Variants in TPTE2 observed in about 807,000 individuals in gnomAD.
The protein encoded by TPTE2 is phosphatidylinositol 3,4,5-trisphosphate 3-phosphatase TPTE2.
A neutral mutation model predicts 78.6 loss-of-function variants in TPTE2; 53 were observed. The ratio of observed to expected loss-of-function variants is 0.67; its 90% CI spans 0.54 to 0.85. The LOEUF (loss-of-function observed/expected upper bound fraction) is 0.85. Ranked by LOEUF, TPTE2 falls within the 40% of genes least tolerant of loss-of-function variation. The pLI, the probability that TPTE2 is intolerant of heterozygous loss-of-function variation, is 0.00. For synonymous variants in TPTE2, 175 were observed against 206.2 expected (o/e 0.85, Z 1.30); for missense variants, 461 against 623.0 (o/e 0.74, Z 2.77).
chr13:19,443,497 C>CT lies in TPTE2; in HGVS notation c.974-5345dup, dbSNP rs552653283. ...CTTGGCTCACTGCAACCTCTGCCTCCTGGTTTCAAGTGATTCTCGTGCCTC... is the reference window on the plus strand; with the variant it reads ...CTTGGCTCACTGCAACCTCTGCCTCCTTGGTTTCAAGTGATTCTCGTGCCTC... On this transcript the variant is annotated intron_variant, in intron 13 of 19. Coordinates refer to ENST00000400230, the Ensembl canonical transcript of TPTE2. Among the ~76,000 whole-genome samples the CT allele has an allele frequency of 3.1e-3, 465 of 151,586 alleles. 3 individuals carry two copies. Among genetic ancestry groups the CT allele is most frequent in the African/African-American group, 9.2e-3 (380 of 41,352 alleles).
chr13:19,427,087 T>C (rs1363291530), intron 17 of TPTE2, among the ~76,000 whole-genome samples: 1 of 127,232 alleles, frequency 7.9e-6, no homozygotes, highest in African/African-American at 3.1e-5. Context: ...TTCTTTTTTT[T>C]TTTTTTTTTT....
Position 19,467,276 on chromosome 13 carries a change from A to G in TPTE2, c.461T>C (p.Val154Ala), listed in dbSNP as rs770641332. The change falls in exon 7 of 20, where the codon GTT (valine) becomes GCT (alanine). Residue 154 changes from valine (V) to alanine (A), a missense_variant. Val to Ala is a moderately conservative substitution (Grantham distance 64). Coordinates refer to ENST00000400230, the Ensembl canonical transcript of TPTE2. The stretch of plus-strand genomic sequence containing the variant: ...GTCAAAAAAAATGTAAATGACATCA[A>G]CCAGCAGAGGAATCACAATAATGGC... 7 of 1,597,750 alleles carry G rather than the reference A, an allele frequency of 4.4e-6. No homozygotes were observed. In the Admixed American group the frequency reaches 1.1e-4, roughly 25 times the overall value.
intron 1 of TPTE2, 128 bp downstream of exon 4, chr13:19,503,096 G>C: frequency 1.5e-6 from 2 of 1,337,440 alleles, no homozygotes; most frequent in Non-Finnish European, 1.1e-6. Flanking sequence ...GGATGTGTTT[G>C]GGAGAAGTGT....
At chr13:19,560,362 G>A in the TPTE2 span, 16 of 1,603,096 alleles carry the variant, frequency 1.0e-5, no homozygotes, top group Middle Eastern at 1.9e-4. Flanking sequence ...TTGCAGCAGG[G>A]CAGCCCCCAG....
At chr13:19,549,380 A>G in the TPTE2 span, among the ~76,000 whole-genome samples, 1 of 152,192 alleles carries the variant, frequency 6.6e-6, no homozygotes, top group African/African-American at 2.4e-5. Flanking sequence ...AGACATACAC[A>G]TGGTCTGCAA....
chr13:19,438,171 T>C lies in TPTE2; in HGVS notation c.974-18A>G, dbSNP rs565985142. ...GGTTCTTCCTAGAAAAGAAAAGAAG[T>C]TAGTTCAAGAACATACATGGTATAA... On this transcript the variant is annotated intron_variant, in intron 13 of 19. Transcript: ENST00000400230. 110 of 1,606,222 alleles carry C rather than the reference T, an allele frequency of 6.8e-5. No individual in the cohort carries two copies. The highest frequency in any genetic ancestry group is 5.0e-4 in the South Asian group (45 of 89,930).
At chr13:19,546,734 C>CCCGCCT in the TPTE2 span, among the ~76,000 whole-genome samples, 1 of 151,808 alleles carries the variant, frequency 6.6e-6, no homozygotes, top group South Asian at 2.1e-4. Context: ...AGGTGATCCA[C>CCCGCCT]CCGCCTCAGC....
intron 17 of TPTE2, among the ~76,000 whole-genome samples, chr13:19,429,421 C>T (rs1400213630): frequency 2.0e-5 from 3 of 152,214 alleles, no homozygotes; most frequent in Non-Finnish European, 2.9e-5. Context: ...TGGAAGAATG[C>T]TGGTGCCATT....
intron 17 of TPTE2, among the ~76,000 whole-genome samples, chr13:19,429,143 T>C (rs1267997675): frequency 6.6e-6 from 1 of 152,258 alleles, no homozygotes; most frequent in Non-Finnish European, 1.5e-5. Flanking sequence ...GTGTGTCTTC[T>C]GCTCTACCTA....
Position 19,470,693 on chromosome 13 carries a change from T to G in TPTE2, c.392+3221A>C, listed in dbSNP as rs902945961. Among the ~76,000 whole-genome samples the G allele has an allele frequency of 6.6e-4, 99 of 150,968 alleles. 1 individual carries two copies. The highest frequency in any genetic ancestry group is 2.3e-3 in the African/African-American group (95 of 41,128). Reference sequence around the variant, plus strand: ...GGCACCCAGCACCACACCCAGCTAATTTTTGTATTTTTAGTACAGACGGGG... The same window carrying G: ...GGCACCCAGCACCACACCCAGCTAAGTTTTGTATTTTTAGTACAGACGGGG... On this transcript the variant is annotated intron_variant, in intron 6 of 19. Transcript: ENST00000400230.
the TPTE2 span, among the ~76,000 whole-genome samples, chr13:19,555,862 G>A: frequency 7.8e-6 from 1 of 128,158 alleles, no homozygotes; most frequent in Non-Finnish European, 1.6e-5. Flanking sequence ...TGCCATGCTG[G>A]AGTGTAATGG....
At chr13:19,561,415 C>T in the TPTE2 span, 8 of 439,858 alleles carry the variant, frequency 1.8e-5, no homozygotes, top group South Asian at 1.8e-4. Flanking sequence ...CCGCGCCCCG[C>T]CCCCCAACCT....
intron 13 of TPTE2, among the ~76,000 whole-genome samples, chr13:19,447,408 CCA>C: frequency 6.6e-6 from 1 of 152,104 alleles, no homozygotes; most frequent in Non-Finnish European, 1.5e-5. Flanking sequence ...TGTGAAATGG[CCA>C]TTTTTAAAGC....
intron 19 of TPTE2, 144 bp from the exon 23 acceptor site, chr13:19,423,308 C>A: frequency 3.7e-6 from 2 of 540,308 alleles, no homozygotes; most frequent in East Asian, 3.3e-5. Flanking sequence ...TTTCAGTTGG[C>A]TCCTTCCACC....
chr13:19,423,302 A>T, intron 19 of TPTE2, 138 bp from the exon 23 acceptor site: 1 of 563,674 alleles, frequency 1.8e-6, no homozygotes, highest in Non-Finnish European at 3.0e-6. Flanking sequence ...TTTGCATTTC[A>T]GTTGGCTCCT....
At chr13:19,521,782 C>T (rs933677046) in intron 1 of TPTE2, among the ~76,000 whole-genome samples, 7 of 152,120 alleles carry the variant, frequency 4.6e-5, no homozygotes, top group Non-Finnish European at 1.0e-4. Context: ...TCCATTCCCT[C>T]TCTCTTCCAT....
chr13:19,489,555 T>G (rs1384613738), intron 3 of TPTE2, among the ~76,000 whole-genome samples: 1 of 150,362 alleles, frequency 6.7e-6, no homozygotes, highest in African/African-American at 2.4e-5. Flanking sequence ...TTTGGGTCAG[T>G]GCTAAAGAAT....
chr13:19,515,574 G>A (rs1475376345), intron 1 of TPTE2, among the ~76,000 whole-genome samples: 5 of 152,116 alleles, frequency 3.3e-5, no homozygotes, highest in African/African-American at 9.7e-5. Flanking sequence ...TTCTAAGTGG[G>A]TGTTCTCATG....
chr13:19,520,422 A>G (rs921767159), intron 1 of TPTE2, among the ~76,000 whole-genome samples: 6 of 152,020 alleles, frequency 3.9e-5, no homozygotes, highest in South Asian at 2.1e-4. Flanking sequence ...TTACCAGATT[A>G]TCTAAGAGTT....
Sources: gnomAD v4.1 joint callset for allele counts (sites outside exome capture counted in the v4.1 genomes callset) on GRCh38, gnomAD v4.1.1 for gene constraint, MANE v1.5 for transcripts, NCBI Gene and HGNC (gene_info 2026-07-23, HGNC 2026-07-21) for gene names.